CCDC85A: variants seen among roughly 807,000 people sequenced by gnomAD.
CCDC85A encodes the protein coiled-coil domain containing 85A.
A neutral mutation model predicts 50.2 loss-of-function variants in CCDC85A; 38 were observed. That is an observed-to-expected ratio of 0.76 (90% CI 0.58 to 0.99). The LOEUF is 0.99. CCDC85A is among the 50% of genes least tolerant of loss of function. CCDC85A has a pLI of 0.00. For missense variants in CCDC85A, 820 were observed against 742.0 expected (o/e 1.11, Z -1.22); for synonymous variants, 366 against 301.4 (o/e 1.21, Z -2.22).
chr2:56,278,151 A>G (rs138341420), intron 2 of CCDC85A, among the ~76,000 whole-genome samples: 135 of 152,254 alleles, frequency 8.9e-4, no homozygotes, highest in Non-Finnish European at 1.6e-3. Flanking sequence ...GTGTGTCTTT[A>G]GTGTCTTTCC....
chr2:56,353,461 G>A (rs1447362862), intron 3 of CCDC85A, among the ~76,000 whole-genome samples: 2 of 152,206 alleles, frequency 1.3e-5, no homozygotes, highest in Admixed American at 6.5e-5. Context: ...TCTAAGTGTG[G>A]TTCCTTTCAG....
chr2:56,315,627 G>T (rs958245177), intron 2 of CCDC85A, among the ~76,000 whole-genome samples: 1 of 152,124 alleles, frequency 6.6e-6, no homozygotes, highest in Non-Finnish European at 1.5e-5. Flanking sequence ...TTAAGGGAAA[G>T]TATGGTATGA....
At chr2:56,238,398 C>G (rs1052576419) in intron 2 of CCDC85A, among the ~76,000 whole-genome samples, 2 of 143,030 alleles carry the variant, frequency 1.4e-5, no homozygotes, top group African/African-American at 5.2e-5. Context: ...GCCTAGGTGA[C>G]AGAGTAACAT....
chr2:56,232,951 C>G (rs1332098309), intron 2 of CCDC85A, among the ~76,000 whole-genome samples: 3 of 152,136 alleles, frequency 2.0e-5, no homozygotes, highest in African/African-American at 7.2e-5. Context: ...ATTTGCTTAC[C>G]TTCCTCTAGA....
chr2:56,266,576 G>GCTC (rs1445113304), intron 2 of CCDC85A, among the ~76,000 whole-genome samples: 1 of 61,586 alleles, frequency 1.6e-5, no homozygotes, highest in Non-Finnish European at 3.4e-5. Context: ...TAACAATAAC[G>GCTC]CGCCCCCCCC....
intron 3 of CCDC85A, among the ~76,000 whole-genome samples, chr2:56,344,862 G>T (rs1674557091): frequency 1.3e-5 from 2 of 151,694 alleles, no homozygotes; most frequent in South Asian, 4.2e-4. Flanking sequence ...TTTGTTCTTA[G>T]TTTCCTTCTG....
rs1675894026 is a variant in CCDC85A at position 56,184,313 on chromosome 2, G to A, written c.-312G>A. 3 of 630,846 alleles carry A rather than the reference G, an allele frequency of 4.8e-6. No individual in the cohort carries two copies. The highest frequency in any genetic ancestry group is 6.3e-6 in the Non-Finnish European group (3 of 476,156). The allele number at this position is 630,846 out of a possible 1,614,324, so 39.1% of individuals were successfully genotyped here. On this transcript the variant is annotated 5_prime_UTR_variant, in exon 1 of 6. Transcript: ENST00000407595. ...GCGGTGCAGCTCCCCCGCTGTCCCC[G>A]AGGATTTCCCGCGGCAGCCCCGGGC... is the stretch of plus-strand genomic sequence containing the variant.
At chr2:56,378,437 C>T (rs1035336912) in intron 5 of CCDC85A, among the ~76,000 whole-genome samples, 1 of 152,170 alleles carries the variant, frequency 6.6e-6, no homozygotes, top group East Asian at 1.9e-4. Context: ...ATTTGAAGTA[C>T]ACTTCTCTGA....
At chr2:56,268,605 A>AAAAAAG (rs1553402402) in intron 2 of CCDC85A, among the ~76,000 whole-genome samples, 2 of 151,116 alleles carry the variant, frequency 1.3e-5, no homozygotes, top group Non-Finnish European at 2.9e-5. Context: ...AAAAAAAAAA[A>AAAAAAG]AAAAGAAAAG....
chr2:56,343,544 C>T (rs1209996095), intron 3 of CCDC85A, among the ~76,000 whole-genome samples: 1 of 152,126 alleles, frequency 6.6e-6, no homozygotes, highest in African/African-American at 2.4e-5. Flanking sequence ...ATACGTTTCA[C>T]TTATAAAATT....
intron 2 of CCDC85A, among the ~76,000 whole-genome samples, chr2:56,214,987 G>T (rs1046367076): frequency 6.6e-6 from 1 of 151,990 alleles, no homozygotes; most frequent in Non-Finnish European, 1.5e-5. Flanking sequence ...ACAGTATTGA[G>T]TCTTCCAATC....
chr2:56,249,336 C>T (rs1376940500), intron 2 of CCDC85A, among the ~76,000 whole-genome samples: 1 of 152,246 alleles, frequency 6.6e-6, no homozygotes, highest in African/African-American at 2.4e-5. Flanking sequence ...TCTTTCTTTG[C>T]TCCCATCCCT....
At chr2:56,233,567 A>T (rs1330246251) in intron 2 of CCDC85A, among the ~76,000 whole-genome samples, 1 of 152,224 alleles carries the variant, frequency 6.6e-6, no homozygotes, top group Non-Finnish European at 1.5e-5. Flanking sequence ...AAATTTATGT[A>T]TACTGAAATT....
intron 2 of CCDC85A, among the ~76,000 whole-genome samples, chr2:56,284,795 A>G (rs1573173985): frequency 1.3e-5 from 2 of 152,292 alleles, no homozygotes; most frequent in African/African-American, 2.4e-5. Context: ...TTTATAACTG[A>G]TAAGTATTTA....
chr2:56,234,171 A>G (rs1012412578), intron 2 of CCDC85A, among the ~76,000 whole-genome samples: 2 of 152,126 alleles, frequency 1.3e-5, no homozygotes, highest in Admixed American at 1.3e-4. Context: ...CACTGCTTTC[A>G]TTAGGGAGTG....
chr2:56,384,168 C>G (rs905054569), intron 5 of CCDC85A, 98 bp from the exon 6 acceptor site: 1 of 1,039,376 alleles, frequency 9.6e-7, no homozygotes, highest in African/African-American at 1.6e-5. Context: ...CTTGTCTTTA[C>G]TTCATCTTCG....
intron 2 of CCDC85A, among the ~76,000 whole-genome samples, chr2:56,298,449 A>T (rs1450375840): frequency 1.3e-5 from 2 of 152,226 alleles, no homozygotes; most frequent in South Asian, 2.1e-4. Context: ...GCCATTGGTT[A>T]AAGAAACATT....
intron 2 of CCDC85A, among the ~76,000 whole-genome samples, chr2:56,267,823 G>A (rs573494639): frequency 6.6e-6 from 1 of 152,302 alleles, no homozygotes; most frequent in South Asian, 2.1e-4. Flanking sequence ...TCAGGATTTA[G>A]ATACATCTGA....
intron 2 of CCDC85A, among the ~76,000 whole-genome samples, chr2:56,334,462 G>T (rs922429711): frequency 6.6e-6 from 1 of 152,144 alleles, no homozygotes; most frequent in Non-Finnish European, 1.5e-5. Flanking sequence ...ATGAGAAATA[G>T]GTAGAGAAAT....
Sources: gnomAD v4.1 joint callset for allele counts (sites outside exome capture counted in the v4.1 genomes callset) on GRCh38, gnomAD v4.1.1 for gene constraint, MANE v1.5 for transcripts, NCBI Gene and HGNC (gene_info 2026-07-23, HGNC 2026-07-21) for gene names.